The following GABBR2 variants were observed in gnomAD, a reference collection of about 807,000 sequenced individuals.
The protein encoded by GABBR2 is gamma-aminobutyric acid type B receptor subunit 2.
In GABBR2, 23 loss-of-function variants were observed where a neutral mutation model predicts 105.6. The observed-to-expected ratio is 0.22, with a 90% confidence interval of 0.16 to 0.31. The LOEUF (loss-of-function observed/expected upper bound fraction) is 0.31, where lower values mean the gene tolerates loss of function less well. Ranked by LOEUF, GABBR2 falls within the 10% of genes least tolerant of loss-of-function variation. The probability of loss-of-function intolerance (pLI) is 1.00; values close to 1 mark genes in which losing one functional copy is unlikely to be tolerated. For missense variants in GABBR2, 734 were observed against 1,245.5 expected, an observed-to-expected ratio of 0.59 and a Z score of 6.18; for synonymous variants, 478 against 499.7, an observed-to-expected ratio of 0.96 and a Z score of 0.58.
At chr9:98,299,737 A>T (rs1445197166) in intron 16 of GABBR2, among the ~76,000 whole-genome samples, 1 of 152,144 alleles carries the variant, frequency 6.6e-6, no homozygotes, top group Non-Finnish European at 1.5e-5. Flanking sequence ...ACCCAGTCTC[A>T]ATTTCTTTTT....
intron 1 of GABBR2, among the ~76,000 whole-genome samples, chr9:98,585,318 A>G (rs1183518564): frequency 6.6e-6 from 1 of 151,956 alleles, no homozygotes; most frequent in East Asian, 1.9e-4. Context: ...GCCATAAAAA[A>G]TGATGAGTTC....
intron 1 of GABBR2, among the ~76,000 whole-genome samples, chr9:98,598,547 T>C (rs1829272192): frequency 6.9e-6 from 1 of 144,896 alleles, no homozygotes; most frequent in Non-Finnish European, 1.5e-5. Flanking sequence ...AATTACTGTT[T>C]ACTGAAAAAC....
At chr9:98,585,359 G>A (rs1178014181) in intron 1 of GABBR2, among the ~76,000 whole-genome samples, 1 of 151,544 alleles carries the variant, frequency 6.6e-6, no homozygotes, top group Non-Finnish European at 1.5e-5. Context: ...GATGAAGCTG[G>A]AAACCATCAT....
chr9:98,573,217 G>GC (rs1828858172), intron 2 of GABBR2, among the ~76,000 whole-genome samples: 1 of 152,216 alleles, frequency 6.6e-6, no homozygotes, highest in Admixed American at 6.5e-5. Flanking sequence ...GGGAAGGGCT[G>GC]CCCCCAAGAA....
rs559606154 is a variant in GABBR2, at chr9:98,514,320, G to T, written c.631-17806C>A. 3.1e-4 allele frequency among the ~76,000 whole-genome samples: 41 copies of T among 132,606 alleles called. No individual in the cohort carries two copies. The East Asian group carries it at 8.0e-3, about 26-fold the overall frequency. The allele number at this position is 132,606 out of a possible 152,430, so 87.0% of individuals were successfully genotyped here. A position where few individuals can be genotyped will look rare whatever the true frequency, so the allele number is the denominator to read the frequency against. ...CCTAATGCTAGATGACGAGTTAGTG[G>T]GTGCAGCACACCAGCACGGCACATG... On this transcript the variant is annotated intron_variant, in intron 3 of 18. Coordinates refer to ENST00000259455, the MANE Select transcript of GABBR2 (RefSeq NM_005458.8).
At chr9:98,580,007 C>T (rs558970514) in intron 1 of GABBR2, among the ~76,000 whole-genome samples, 69 of 152,292 alleles carry the variant, frequency 4.5e-4, no homozygotes, top group African/African-American at 1.7e-3. Flanking sequence ...GTACTATGTA[C>T]AGGTTTGGGG....
rs182587674 is a variant in GABBR2 at position 98,416,641 on chromosome 9, G to A, written c.1237-10500C>T. Among the ~76,000 whole-genome samples the A allele has an allele frequency of 1.6e-3, 251 of 152,328 alleles. 2 individuals are homozygous for A. The highest frequency in any genetic ancestry group is 5.9e-3 in the African/African-American group (244 of 41,584). On this transcript the variant is annotated intron_variant, in intron 7 of 18. Coordinates refer to ENST00000259455, the MANE Select transcript of GABBR2 (RefSeq NM_005458.8). ...TCCCTTTGAGGGGCCATCAGACATCGGGCAGACATGCCCCTCTTCAGACAT... is the reference window on the plus strand; with the variant it reads ...TCCCTTTGAGGGGCCATCAGACATCAGGCAGACATGCCCCTCTTCAGACAT...
chr9:98,658,736 G>A (rs1321908174), intron 1 of GABBR2, among the ~76,000 whole-genome samples: 11 of 152,196 alleles, frequency 7.2e-5, no homozygotes, highest in African/African-American at 2.4e-4. Context: ...GCCCTGGCTT[G>A]GGGGCAACAT....
chr9:98,309,593 G>A (rs1447657518), intron 14 of GABBR2, among the ~76,000 whole-genome samples: 2 of 152,248 alleles, frequency 1.3e-5, no homozygotes, highest in Non-Finnish European at 2.9e-5. Flanking sequence ...TGGGGCTGAC[G>A]GTTCTGCCCT....
rs1011847542 is a variant in GABBR2, at chr9:98,362,908, G to A, written c.1771-71C>T. Reference sequence around the variant, plus strand: ...TTCCCACGCAGCAACTGGGGGCCCAGGTCATAGGGGGAACCTGCATCATGA... The same window carrying A: ...TTCCCACGCAGCAACTGGGGGCCCAAGTCATAGGGGGAACCTGCATCATGA... On this transcript the variant is annotated intron_variant, in intron 12 of 18. Transcript: ENST00000259455. 2.3e-6 allele frequency: 3 copies of A among 1,331,206 alleles called. No individual in the cohort carries two copies. The South Asian group carries it at 5.6e-5, about 25-fold the overall frequency. 82.5% of individuals were successfully genotyped at this position (1,331,206 alleles called of 1,614,324 possible).
intron 1 of GABBR2, among the ~76,000 whole-genome samples, chr9:98,695,141 A>C (rs1032489788): frequency 2.0e-5 from 3 of 152,190 alleles, no homozygotes; most frequent in Non-Finnish European, 2.9e-5. Context: ...CCTTGTGTTT[A>C]GCATCACTCA....
At position 98,629,313 on chromosome 9, in the gene GABBR2, C is replaced by A. The variant is rs114138641; in HGVS notation, c.322-51241G>T. Among the ~76,000 whole-genome samples the A allele has an allele frequency of 2.0e-3, 300 of 152,324 alleles. 2 individuals are homozygous for A. The highest frequency in any genetic ancestry group is 7.0e-3 in the African/African-American group (291 of 41,584). ...AGGATAATTTTCATAGAAAATACCA[C>A]AAGTGATCATATGATAAGCCAAAAA... On this transcript the variant is annotated intron_variant, in intron 1 of 18. Coordinates refer to ENST00000259455, the MANE Select transcript of GABBR2 (RefSeq NM_005458.8).
At chr9:98,503,586 G>A (rs1266329815) in intron 3 of GABBR2, among the ~76,000 whole-genome samples, 1 of 152,176 alleles carries the variant, frequency 6.6e-6, no homozygotes, top group African/African-American at 2.4e-5. Context: ...GTGGCAAGAA[G>A]TGATCGGCTT....
chr9:98,591,881 A>C (rs190817216), intron 1 of GABBR2, among the ~76,000 whole-genome samples: 15 of 152,360 alleles, frequency 9.8e-5, no homozygotes, highest in African/African-American at 3.1e-4. Context: ...CTTAAAAAAC[A>C]AAAATGTTGA....
At chr9:98,563,409 C>G (rs965818408) in intron 2 of GABBR2, among the ~76,000 whole-genome samples, 1 of 152,174 alleles carries the variant, frequency 6.6e-6, no homozygotes, top group Non-Finnish European at 1.5e-5. Context: ...CGAGGGTTAC[C>G]GGTTACGGAC....
chr9:98,653,794 A>C (rs945717336), intron 1 of GABBR2, among the ~76,000 whole-genome samples: 9 of 152,098 alleles, frequency 5.9e-5, no homozygotes. Context: ...ATCAGAAGGG[A>C]GAAGAATCTG....
At chr9:98,450,922 A>T (rs1826218934) in intron 7 of GABBR2, among the ~76,000 whole-genome samples, 1 of 152,216 alleles carries the variant, frequency 6.6e-6, no homozygotes. Context: ...TCAGGCACCT[A>T]GGCAAAATGC....
intron 3 of GABBR2, among the ~76,000 whole-genome samples, chr9:98,526,524 C>G (rs1375761676): frequency 6.6e-6 from 1 of 152,190 alleles, no homozygotes; most frequent in East Asian, 1.9e-4. Flanking sequence ...ATTTCCTACT[C>G]CCTTAACTCT....
At chr9:98,335,439 GCCCTT>G (rs942481926) in intron 13 of GABBR2, among the ~76,000 whole-genome samples, 2 of 152,088 alleles carry the variant, frequency 1.3e-5, no homozygotes, top group African/African-American at 2.4e-5. Flanking sequence ...ACAGTCTTGG[GCCCTT>G]CCTAGAGATT....
Sources: allele counts gnomAD v4.1 joint callset (sites outside exome capture counted in the v4.1 genomes callset), GRCh38; gene constraint gnomAD v4.1.1; transcripts MANE v1.5; gene names NCBI Gene and HGNC (gene_info 2026-07-23, HGNC 2026-07-21).